The following SLC30A5 variants were observed in gnomAD, a reference collection of about 807,000 sequenced individuals.
SLC30A5 encodes the protein proton-coupled zinc antiporter SLC30A5.
Under a neutral mutation model 79.6 loss-of-function variants are expected in SLC30A5, and 33 were observed. That is an observed-to-expected ratio of 0.41 (90% confidence interval 0.31 to 0.55). The LOEUF (loss-of-function observed/expected upper bound fraction) is 0.55. SLC30A5 is among the 20% of genes least tolerant of loss of function. The pLI, the probability that SLC30A5 is intolerant of heterozygous loss-of-function variation, is 0.20. For missense variants in SLC30A5, 788 were observed against 928.1 expected, an observed-to-expected ratio of 0.85 and a Z score of 1.96; for synonymous variants, 299 against 319.7, an observed-to-expected ratio of 0.94 and a Z score of 0.69.
chr5:69,125,532 C>CA (rs1746655447), intron 14 of SLC30A5, among the ~76,000 whole-genome samples: 2 of 144,402 alleles, frequency 1.4e-5, no homozygotes, highest in Admixed American at 1.4e-4. Context: ...CTGTCCTTCC[C>CA]CACACACAAA....
intron 15 of SLC30A5, among the ~76,000 whole-genome samples, chr5:69,128,505 C>T (rs1013683559): frequency 5.9e-5 from 9 of 152,016 alleles, no homozygotes; most frequent in Non-Finnish European, 1.3e-4. Flanking sequence ...TCAGGTGATC[C>T]GCCTGCCTCG....
chr5:69,115,777 C>A, intron 8 of SLC30A5, 149 bp from the exon 9 acceptor site: 1 of 720,538 alleles, frequency 1.4e-6, no homozygotes. Flanking sequence ...AGAAAATGTA[C>A]CAATATCTTA....
intron 5 of SLC30A5, among the ~76,000 whole-genome samples, chr5:69,109,213 C>G (rs1746165314): frequency 6.6e-6 from 1 of 151,900 alleles, no homozygotes; most frequent in African/African-American, 2.4e-5. Context: ...TTATTTGTAA[C>G]ACAAAGGCTA....
chr5:69,112,945 C>A (rs1746271277), intron 5 of SLC30A5, among the ~76,000 whole-genome samples, 195 bp from the exon 6 acceptor site: 1 of 152,132 alleles, frequency 6.6e-6, no homozygotes, highest in South Asian at 2.1e-4. Context: ...TAGTTTATAT[C>A]TCTTTGATAT....
intron 14 of SLC30A5, among the ~76,000 whole-genome samples, chr5:69,124,246 G>A (rs1168616612): frequency 2.0e-5 from 3 of 150,100 alleles, no homozygotes; most frequent in Admixed American, 6.7e-5. Flanking sequence ...AAAAAAAATA[G>A]TAACAATAAT....
chr5:69,126,510 C>T (rs1746692287), intron 14 of SLC30A5, among the ~76,000 whole-genome samples: 1 of 151,844 alleles, frequency 6.6e-6, no homozygotes, highest in South Asian at 2.1e-4. Flanking sequence ...CACCTGTAAT[C>T]CCAGAACTTT....
Position 69,129,687 on chromosome 5 carries a change from A to T in SLC30A5, c.*70A>T, listed in dbSNP as rs1297348404. ...ATGACTCAGTATTTGTAATATTGCC[A>T]GAAGGATAAAAATTACACATTAACT... On this transcript the variant is annotated 3_prime_UTR_variant, in exon 16 of 16. Transcript: ENST00000396591. The T allele has an allele frequency of 7.2e-7, 1 of 1,395,384 alleles. No homozygotes were observed. The highest frequency in any genetic ancestry group is 1.4e-5 in the African/African-American group (1 of 69,764). 86.4% of individuals were successfully genotyped at this position (1,395,384 alleles called of 1,614,324 possible). A position where few individuals can be genotyped will look rare whatever the true frequency, so the allele number is the denominator to read the frequency against.
At chr5:69,106,485 C>A (rs1187487183) in intron 4 of SLC30A5, among the ~76,000 whole-genome samples, 2 of 152,154 alleles carry the variant, frequency 1.3e-5, no homozygotes, top group Non-Finnish European at 2.9e-5. Flanking sequence ...CTGACCTTAT[C>A]ACTACCAACA....
intron 14 of SLC30A5, 73 bp downstream of exon 14, chr5:69,123,498 C>T: frequency 8.8e-7 from 1 of 1,130,832 alleles, no homozygotes. Context: ...GGAAGTAAAA[C>T]AGACAACCAA....
At position 69,128,035 on chromosome 5, in the gene SLC30A5, G is replaced by A. The variant is rs769890356; in HGVS notation, c.2030G>A (p.Arg677Gln). 2.5e-5 allele frequency: 41 copies of A among 1,611,274 alleles called. No individual in the cohort carries two copies. Among genetic ancestry groups the A allele is most frequent in the South Asian group, 5.5e-5 (5 of 91,014 alleles). The change falls in exon 15 of 16, where the codon CGA (arginine) becomes CAA (glutamine). Residue 677 changes from arginine to glutamine, a missense_variant. This residue lies in a region of SLC30A5 where 158 missense variants were observed against 156.2 expected (regional missense o/e 1.01). Coordinates refer to ENST00000396591, the MANE Select transcript of SLC30A5 (RefSeq NM_022902.5). ...AAAATTGAAGGATTAATATCATACC[G>A]AGACCCTCATTTTTGGCGTCATTCT... Reference protein sequence around the residue: ...IQKIEGLISYRDPHFWRHSAS... With the variant: ...IQKIEGLISYQDPHFWRHSAS...
Position 69,117,443 on chromosome 5 carries a change from A to T in SLC30A5, c.1439+47A>T, listed in dbSNP as rs567946076. On this transcript the variant is annotated intron_variant, in intron 11 of 15. Coordinates refer to ENST00000396591, the MANE Select transcript of SLC30A5 (RefSeq NM_022902.5). The stretch of plus-strand genomic sequence containing the variant: ...GTGGTATATCTTAAGTGCAAATTCC[A>T]TCTTAAGGAACAGAATTATATTACT... 1.8e-5 allele frequency: 27 copies of T among 1,486,486 alleles called. No individual in the cohort carries two copies. In the African/African-American group the frequency reaches 3.3e-4, roughly 18 times the overall value. 92.1% of individuals were successfully genotyped at this position (1,486,486 alleles called of 1,614,324 possible).
At chr5:69,123,623 T>C in intron 14 of SLC30A5, 198 bp downstream of exon 14, 1 of 523,986 alleles carries the variant, frequency 1.9e-6, no homozygotes, top group Non-Finnish European at 3.4e-6. Context: ...ACAGTTTTAC[T>C]TAAAGGATAT....
rs1485081458 is a variant in SLC30A5 at position 69,104,637 on chromosome 5, A to C, written c.280A>C (p.Lys94Gln). ...GKTITKHQWIKIFKHAVAGCI... is the reference protein window; with the variant it reads ...GKTITKHQWIQIFKHAVAGCI... ...TTTTTGTTTCCATTTATAGTGGATC[A>C]AAATATTTAAACATGCAGTTGCTGG... is the stretch of plus-strand genomic sequence containing the variant. The change falls in exon 4 of 16, where the codon AAA becomes CAA. Residue 94 changes from lysine to glutamine, a missense_variant. Lys to Gln is a moderately conservative substitution (Grantham distance 53). Transcript: ENST00000396591. 4 of 1,532,958 alleles carry C rather than the reference A, an allele frequency of 2.6e-6. No homozygotes were observed. The highest frequency in any genetic ancestry group is 3.5e-6 in the Non-Finnish European group (4 of 1,140,842). 95.0% of individuals were successfully genotyped at this position (1,532,958 alleles called of 1,614,324 possible). A position where few individuals can be genotyped will look rare whatever the true frequency, so the allele number is the denominator to read the frequency against.
Position 69,116,194 on chromosome 5 carries a change from G to A in SLC30A5, c.1052G>A (p.Ser351Asn). 1 of 1,598,572 alleles carries A rather than the reference G, an allele frequency of 6.3e-7. No individual in the cohort carries two copies. Among genetic ancestry groups the A allele is most frequent in the South Asian group, 1.1e-5 (1 of 87,666 alleles). ...GTCCTGTCTGGAGGAGTGGTAGTGA[G>A]TGCTATATTCTTCATTTTGTGTAAG... ...EHVLSGGVVV[S>N]AIFFILSANI... The change falls in exon 9 of 16, where the codon AGT becomes AAT. Residue 351 changes from serine (S) to asparagine (N), a missense_variant. This residue lies in a region of SLC30A5 where 626 missense variants were observed against 755.5 expected (regional missense o/e 0.83). Transcript: ENST00000396591. The surrounding 1 kb of genome is among the most constrained non-coding windows in gnomAD (Gnocchi z 4.0).
chr5:69,124,271 A>G (rs1746616412), intron 14 of SLC30A5, among the ~76,000 whole-genome samples: 1 of 152,066 alleles, frequency 6.6e-6, no homozygotes, highest in Admixed American at 6.6e-5. Flanking sequence ...GGTTGTCTGT[A>G]AAAGAAGAAA....
At chr5:69,118,325 G>GTATGTGTATATATATATATATATATA (rs1746440670) in intron 11 of SLC30A5, 174 bp from the exon 12 acceptor site, 10 of 192,156 alleles carry the variant, frequency 5.2e-5, no homozygotes, top group Non-Finnish European at 7.9e-5. Flanking sequence ...ATATATATAT[G>GTATGTGTATATATATATATATATATA]TATATATATA....
chr5:69,129,167 C>G (rs1746782214), intron 15 of SLC30A5, among the ~76,000 whole-genome samples: 1 of 152,072 alleles, frequency 6.6e-6, no homozygotes, highest in Non-Finnish European at 1.5e-5. Context: ...TGCTTGGAAC[C>G]AGAAGTGTTT....
rs981575266 is a variant in SLC30A5 at position 69,130,742 on chromosome 5, C to T, written c.*1125C>T. Reference sequence around the variant, plus strand: ...TGTAGTAAAGTCTGAAAAGACTTTACCATAGACAATAACATGCAGTTTTAT... The same window carrying T: ...TGTAGTAAAGTCTGAAAAGACTTTATCATAGACAATAACATGCAGTTTTAT... On this transcript the variant is annotated 3_prime_UTR_variant, in exon 16 of 16. Transcript: ENST00000396591. The T allele has an allele frequency of 2.0e-5, 3 of 151,904 alleles. No homozygotes were observed. The highest frequency in any genetic ancestry group is 4.4e-5 in the Non-Finnish European group (3 of 67,960). 9.4% of individuals were successfully genotyped at this position (151,904 alleles called of 1,614,324 possible). A position where few individuals can be genotyped will look rare whatever the true frequency, so the allele number is the denominator to read the frequency against.
rs1340365012 is a variant in SLC30A5 at position 69,130,603 on chromosome 5, A to C, written c.*986A>C. ...GAATAGGTAGTTATTTCAAAGTTTAATAAGTAAAACTTGTTCATAAACATT... is the reference window on the plus strand; with the variant it reads ...GAATAGGTAGTTATTTCAAAGTTTACTAAGTAAAACTTGTTCATAAACATT... On this transcript the variant is annotated 3_prime_UTR_variant, in exon 16 of 16. Transcript: ENST00000396591. 1 of 152,214 alleles carries C rather than the reference A, an allele frequency of 6.6e-6. No individual in the cohort carries two copies. Among genetic ancestry groups the C allele is most frequent in the Non-Finnish European group, 1.5e-5 (1 of 68,032 alleles). 9.4% of individuals were successfully genotyped at this position (152,214 alleles called of 1,614,324 possible).
Sources: gnomAD v4.1 joint callset for allele counts (sites outside exome capture counted in the v4.1 genomes callset) on GRCh38, gnomAD v4.1.1 for gene constraint, gnomAD v4.1.1 regional missense constraint, Gnocchi (gnomAD v3.1) non-coding constraint, MANE v1.5 for transcripts, NCBI Gene and HGNC (gene_info 2026-07-23, HGNC 2026-07-21) for gene names.